The following ATP6V0A4 variants were observed in gnomAD, a reference collection of about 807,000 sequenced individuals.
ATP6V0A4 encodes ATPase H+ transporting V0 subunit a4.
In ATP6V0A4, 86 loss-of-function variants were observed where a neutral mutation model predicts 107.3. The ratio of observed to expected loss-of-function variants is 0.80; its 90% CI spans 0.67 to 0.96. The LOEUF (loss-of-function observed/expected upper bound fraction) is 0.96, where lower values mean the gene tolerates loss of function less well. Among genes scored for constraint, ATP6V0A4 ranks in the 40% least tolerant of loss-of-function variants. The pLI is 0.00. For missense variants in ATP6V0A4, 908 were observed against 1,045.6 expected, an observed-to-expected ratio of 0.87 and a Z score of 1.81; for synonymous variants, 353 against 381.4, an observed-to-expected ratio of 0.93 and a Z score of 0.87.
intron 14 of ATP6V0A4, among the ~76,000 whole-genome samples, chr7:138,743,881 G>A (rs946337915): frequency 6.6e-6 from 1 of 152,128 alleles, no homozygotes; most frequent in Non-Finnish European, 1.5e-5. Context: ...CCAAAATCAA[G>A]AGGCTGTCGC....
intron 2 of ATP6V0A4, among the ~76,000 whole-genome samples, chr7:138,778,264 T>C (rs1807759464): frequency 1.4e-5 from 2 of 139,216 alleles, no homozygotes; most frequent in Admixed American, 1.5e-4. Flanking sequence ...TAGTCCCAGC[T>C]ACACAAGAGG....
At chr7:138,790,603 G>A (rs751815829) in intron 1 of ATP6V0A4, among the ~76,000 whole-genome samples, 6 of 152,028 alleles carry the variant, frequency 3.9e-5, no homozygotes, top group Admixed American at 2.6e-4. Flanking sequence ...TCCCAAAAAC[G>A]GTTTTAATAG....
At chr7:138,789,968 CAAAAAAAAAA>C (rs34413519) in intron 1 of ATP6V0A4, among the ~76,000 whole-genome samples, 6,871 of 126,754 alleles carry the variant, frequency 0.054, 529 homozygotes, top group African/African-American at 0.19. Context: ...GACTCTGTCT[CAAAAAAAAAA>C]AAAAAAAAAA....
At chr7:138,769,583 G>A (rs1250273262) in intron 3 of ATP6V0A4, among the ~76,000 whole-genome samples, 1 of 152,058 alleles carries the variant, frequency 6.6e-6, no homozygotes, top group Non-Finnish European at 1.5e-5. Context: ...TCAAAGTGCT[G>A]GGATTACAAG....
intron 7 of ATP6V0A4, among the ~76,000 whole-genome samples, chr7:138,760,218 C>A (rs539663806): frequency 1.3e-5 from 2 of 151,880 alleles, no homozygotes; most frequent in African/African-American, 4.8e-5. Flanking sequence ...CTGAGGCGGG[C>A]GGATCACCTG....
intron 2 of ATP6V0A4, among the ~76,000 whole-genome samples, chr7:138,776,661 G>C (rs1347207254): frequency 6.6e-6 from 1 of 152,070 alleles, no homozygotes; most frequent in African/African-American, 2.4e-5. Flanking sequence ...CAAACGTCTG[G>C]GTGCTCAGAA....
At chr7:138,732,855 A>G in intron 17 of ATP6V0A4, 22 bp downstream of exon 17, 1 of 1,567,498 alleles carries the variant, frequency 6.4e-7, no homozygotes, top group Non-Finnish European at 8.7e-7. Context: ...GAAGAGTAAA[A>G]AAAAAAAAAT....
intron 11 of ATP6V0A4, among the ~76,000 whole-genome samples, chr7:138,750,614 G>A (rs1806173374): frequency 6.6e-6 from 1 of 152,230 alleles, no homozygotes; most frequent in African/African-American, 2.4e-5. Context: ...TCTGACACCA[G>A]CTGGACGAGT....
At position 138,749,259 on chromosome 7, in the gene ATP6V0A4, G is replaced by A. The variant is rs1356332159; in HGVS notation, c.1088C>T (p.Pro363Leu). Residue 363 changes from proline to leucine, a missense_variant, in exon 12 of 22, where the codon CCT becomes CTT. By Grantham distance (98) the Pro-to-Leu change is moderately conservative. Transcript: ENST00000310018. ...IMTTVQSKTA[P>L]PTFNRTNKFT... ...TTTATTGGTCCTGTTAAATGTGGGA[G>A]GGGCTGTTTTAGATTGCACTGTGGT... The A allele has an allele frequency of 1.2e-6, 2 of 1,613,906 alleles. No individual in the cohort carries two copies. The highest frequency in any genetic ancestry group is 1.7e-6 in the Non-Finnish European group (2 of 1,179,970).
intron 12 of ATP6V0A4, among the ~76,000 whole-genome samples, chr7:138,748,920 CAAAG>C: frequency 6.6e-6 from 1 of 152,284 alleles, no homozygotes; most frequent in South Asian, 2.1e-4. Context: ...CAGGTGAAGA[CAAAG>C]AACAATTCTT....
rs556327666 is a variant in ATP6V0A4 at position 138,757,249 on chromosome 7, C to T, written c.640-709G>A. 3.0e-4 allele frequency among the ~76,000 whole-genome samples: 45 copies of T among 152,294 alleles called. 1 individual carries two copies. In the South Asian group the frequency reaches 3.7e-3, roughly 13 times the overall value. On this transcript the variant is annotated intron_variant, in intron 8 of 21. Coordinates refer to ENST00000310018, the MANE Select transcript of ATP6V0A4 (RefSeq NM_020632.3). ...ACAAAACCCAGACCGGGTGCAGTAG[C>T]TCACACCTGTAATCCCAGCACTTTG...
At chr7:138,756,829 TATG>T (rs1315994778) in intron 8 of ATP6V0A4, among the ~76,000 whole-genome samples, 2 of 152,164 alleles carry the variant, frequency 1.3e-5, no homozygotes, top group East Asian at 3.9e-4. Context: ...ATTTAAGAGA[TATG>T]ATAATAAACA....
chr7:138,734,506 G>T (rs563540005), intron 15 of ATP6V0A4, among the ~76,000 whole-genome samples: 186 of 152,276 alleles, frequency 1.2e-3, no homozygotes, highest in Middle Eastern at 3.4e-3. Flanking sequence ...GGAAACAGGG[G>T]AGAAAAATCC....
At chr7:138,716,448 G>GA (rs59175905) in intron 19 of ATP6V0A4, among the ~76,000 whole-genome samples, 92 of 143,500 alleles carry the variant, frequency 6.4e-4, no homozygotes, top group East Asian at 4.8e-3. Flanking sequence ...CAGCCTTAAA[G>GA]AAAAAAAAAA....
intron 1 of ATP6V0A4, among the ~76,000 whole-genome samples, chr7:138,792,771 T>TCG (rs1808478767): frequency 3.6e-5 from 3 of 82,602 alleles, no homozygotes; most frequent in Admixed American, 2.6e-4. Flanking sequence ...GGTTTGTTTT[T>TCG]TTTTTTGTTG....
At position 138,755,893 on chromosome 7, in the gene ATP6V0A4, T is replaced by C; in HGVS notation, c.723-111A>G. ...TGACTTTAGTTAGATGGCCAGCCTA[T>C]CCTAGAATAACTGCGTCTTTGGCCA... On this transcript the variant is annotated intron_variant, in intron 9 of 21. Coordinates refer to ENST00000310018, the MANE Select transcript of ATP6V0A4 (RefSeq NM_020632.3). 2 of 1,535,238 alleles carry C rather than the reference T, an allele frequency of 1.3e-6. 1 individual carries two copies.
At chr7:138,769,309 TTTC>T (rs1807256272) in intron 3 of ATP6V0A4, 58 bp from the exon 4 acceptor site, 8 of 1,544,564 alleles carry the variant, frequency 5.2e-6, no homozygotes, top group Admixed American at 2.0e-5. Flanking sequence ...AATAGATTTC[TTTC>T]TTTTTTTTTT....
intron 1 of ATP6V0A4, among the ~76,000 whole-genome samples, chr7:138,795,817 G>GT (rs34865936): frequency 0.072 from 10,824 of 151,072 alleles, 506 homozygotes; most frequent in South Asian, 0.11. Context: ...ATTTTTTTGT[G>GT]TTTTTTTTTG....
intron 2 of ATP6V0A4, among the ~76,000 whole-genome samples, chr7:138,783,409 TA>T (rs1036232691): frequency 3.3e-5 from 5 of 152,008 alleles, no homozygotes; most frequent in South Asian, 2.1e-4. Flanking sequence ...TGTCTCTATT[TA>T]AAAAAAATTT....
Sources: gnomAD v4.1 joint callset for allele counts (sites outside exome capture counted in the v4.1 genomes callset) on GRCh38, gnomAD v4.1.1 for gene constraint, MANE v1.5 for transcripts, NCBI Gene and HGNC (gene_info 2026-07-23, HGNC 2026-07-21) for gene names.